The following MTCL3 variants were observed in gnomAD, a reference collection of about 807,000 sequenced individuals.
MTCL3 encodes the protein MTCL family member 3.
the MTCL3 span, among the ~76,000 whole-genome samples, chr6:127,514,444 G>A: frequency 6.6e-6 from 1 of 152,230 alleles, no homozygotes; most frequent in Non-Finnish European, 1.5e-5. Flanking sequence ...TGCAGCTCCT[G>A]ACTGCCCGAT....
At chr6:127,517,746 T>A in the MTCL3 span, 1 of 152,198 alleles carries the variant, frequency 6.6e-6, no homozygotes, top group Non-Finnish European at 1.5e-5. Flanking sequence ...CCAAGATAAA[T>A]CCGTCACTAG....
chr6:127,475,544 T>C, the MTCL3 span: 1 of 1,612,102 alleles, frequency 6.2e-7, no homozygotes, highest in Non-Finnish European at 8.5e-7. The surrounding 1 kb of genome is among the most constrained non-coding windows in gnomAD (Gnocchi z 7.3). Flanking sequence ...CGGTCGATGG[T>C]CTTGCCCAGG....
At chr6:127,486,137 T>C in the MTCL3 span, among the ~76,000 whole-genome samples, 3 of 152,160 alleles carry the variant, frequency 2.0e-5, no homozygotes, top group Non-Finnish European at 4.4e-5. Flanking sequence ...TCTAAATTAA[T>C]ATAAGAGCAA....
chr6:127,502,384 G>T, the MTCL3 span, among the ~76,000 whole-genome samples: 1 of 152,168 alleles, frequency 6.6e-6, no homozygotes, highest in East Asian at 1.9e-4. Flanking sequence ...GAATGCAGTG[G>T]CAGGTAATGC....
At chr6:127,513,188 A>G in the MTCL3 span, 1 of 759,460 alleles carries the variant, frequency 1.3e-6, no homozygotes, top group Non-Finnish European at 2.1e-6. Flanking sequence ...CACAAAGTAT[A>G]CATATAAGCC....
the MTCL3 span, among the ~76,000 whole-genome samples, chr6:127,478,273 AG>A: frequency 1.3e-5 from 2 of 152,188 alleles, no homozygotes; most frequent in African/African-American, 4.8e-5. Flanking sequence ...ATGAATAAAG[AG>A]GAGCATTCCA....
At chr6:127,488,088 C>G in the MTCL3 span, among the ~76,000 whole-genome samples, 1 of 152,048 alleles carries the variant, frequency 6.6e-6, no homozygotes, top group Non-Finnish European at 1.5e-5. Context: ...TCACTGCTTT[C>G]TTTGCTCTAG....
chr6:127,475,697 T>C, the MTCL3 span: 2 of 1,584,696 alleles, frequency 1.3e-6, no homozygotes, highest in African/African-American at 2.7e-5. The surrounding 1 kb of genome is among the most constrained non-coding windows in gnomAD (Gnocchi z 7.3). Flanking sequence ...TCGCCGCCGA[T>C]GGGCCCTTCG....
At chr6:127,491,733 C>T in the MTCL3 span, among the ~76,000 whole-genome samples, 45 of 151,912 alleles carry the variant, frequency 3.0e-4, no homozygotes, top group East Asian at 8.1e-3. Context: ...GTTAGCCAGG[C>T]ATGGTGGCAT....
the MTCL3 span, among the ~76,000 whole-genome samples, chr6:127,501,229 C>T: frequency 9.8e-5 from 15 of 152,286 alleles, no homozygotes; most frequent in South Asian, 4.1e-4. Flanking sequence ...ACTTTCAGAA[C>T]GACTCTAGAA....
At chr6:127,500,765 CATTAA>C in the MTCL3 span, among the ~76,000 whole-genome samples, 1 of 152,112 alleles carries the variant, frequency 6.6e-6, no homozygotes, top group South Asian at 2.1e-4. Flanking sequence ...TATAATCTCA[CATTAA>C]ATTAACAAAG....
At chr6:127,516,129 C>T in the MTCL3 span, 9 of 1,457,010 alleles carry the variant, frequency 6.2e-6, no homozygotes, top group African/African-American at 5.8e-5. Flanking sequence ...CTTCTCCGAG[C>T]GGAGGGGGTT....
the MTCL3 span, among the ~76,000 whole-genome samples, chr6:127,513,306 C>A: frequency 3.3e-5 from 5 of 152,200 alleles, no homozygotes; most frequent in African/African-American, 9.7e-5. Context: ...GTCAAGGTCA[C>A]ACAGCTAATG....
chr6:127,506,325 A>G, the MTCL3 span, among the ~76,000 whole-genome samples: 3 of 152,002 alleles, frequency 2.0e-5, no homozygotes, highest in African/African-American at 7.3e-5. Context: ...TACTATATGG[A>G]TTTTCTTCAT....
the MTCL3 span, chr6:127,516,674 C>G: frequency 6.5e-7 from 1 of 1,529,950 alleles, no homozygotes; most frequent in Middle Eastern, 1.7e-4. Flanking sequence ...CCTCTTCCCT[C>G]TTCACCGCCG....
At chr6:127,507,544 A>T in the MTCL3 span, among the ~76,000 whole-genome samples, 1 of 152,208 alleles carries the variant, frequency 6.6e-6, no homozygotes, top group Non-Finnish European at 1.5e-5. Flanking sequence ...ATCTAATTTC[A>T]TTTAAAAATC....
the MTCL3 span, among the ~76,000 whole-genome samples, chr6:127,484,082 T>A: frequency 6.6e-6 from 1 of 152,114 alleles, no homozygotes; most frequent in South Asian, 2.1e-4. Flanking sequence ...GAATACCAAA[T>A]CGAGGTTCTG....
At chr6:127,475,329 G>T in the MTCL3 span, 1 of 1,611,952 alleles carries the variant, frequency 6.2e-7, no homozygotes, top group Non-Finnish European at 8.5e-7. This position sits in a 1 kb window ranked among gnomAD's most constrained non-coding sequence, Gnocchi z 7.3. Flanking sequence ...CGCCGCGGTC[G>T]TCCGCAGACT....
chr6:127,488,692 A>T, the MTCL3 span, among the ~76,000 whole-genome samples: 1 of 152,222 alleles, frequency 6.6e-6, no homozygotes, highest in East Asian at 1.9e-4. Context: ...AAAAATAAAA[A>T]TGTCTTAGGC....
Sources: gnomAD v4.1 joint callset for allele counts (sites outside exome capture counted in the v4.1 genomes callset) on GRCh38, gnomAD v4.1.1 for gene constraint, Gnocchi (gnomAD v3.1) non-coding constraint, MANE v1.5 for transcripts, NCBI Gene and HGNC (gene_info 2026-07-23, HGNC 2026-07-21) for gene names.